Variants in SYN2 observed in about 807,000 individuals in gnomAD.
SYN2 encodes synapsin-2.
SYN2 carries 19 observed loss-of-function variants against 50.9 expected under a neutral mutation model. That is an observed-to-expected ratio of 0.37 (90% confidence interval 0.26 to 0.55). The LOEUF is 0.55. Among genes scored for constraint, SYN2 ranks in the 20% least tolerant of loss-of-function variants. The pLI is 0.81. For synonymous variants in SYN2, 255 were observed against 224.9 expected, an observed-to-expected ratio of 1.13 and a Z score of -1.20; for missense variants, 587 against 576.4, an observed-to-expected ratio of 1.02 and a Z score of -0.19.
At chr3:12,156,939 C>T (rs759971872) in intron 5 of SYN2, 1 of 1,608,468 alleles carries the variant, frequency 6.2e-7, no homozygotes, top group Non-Finnish European at 8.5e-7. Flanking sequence ...GAACATCTGA[C>T]AGGCAATTAC....
At chr3:12,018,627 A>ATC (rs1262957589) in intron 1 of SYN2, among the ~76,000 whole-genome samples, 4 of 152,248 alleles carry the variant, frequency 2.6e-5, no homozygotes, top group African/African-American at 9.6e-5. Flanking sequence ...CAGCGCCATG[A>ATC]AGAGTAGTGA....
At chr3:12,103,806 A>G (rs900536884) in intron 1 of SYN2, among the ~76,000 whole-genome samples, 3 of 152,228 alleles carry the variant, frequency 2.0e-5, no homozygotes, top group Non-Finnish European at 2.9e-5. Flanking sequence ...AAATAAAAAA[A>G]GAAGTGGCCA....
intron 1 of SYN2, among the ~76,000 whole-genome samples, chr3:12,031,910 T>A (rs1489264792): frequency 5.8e-5 from 8 of 138,222 alleles, no homozygotes; most frequent in Non-Finnish European, 1.3e-4. Context: ...TGTGTGAATT[T>A]GATCCTGTCA....
chr3:12,008,149 G>A (rs1693836804), intron 1 of SYN2, among the ~76,000 whole-genome samples: 1 of 152,120 alleles, frequency 6.6e-6, no homozygotes, highest in African/African-American at 2.4e-5. Flanking sequence ...TCTCACCAGC[G>A]AAGAGATACG....
chr3:12,158,773 GGCCGCAGCAACGCCAGCA>G (rs1559446101), intron 5 of SYN2: 2 of 1,605,608 alleles, frequency 1.2e-6, no homozygotes, highest in Non-Finnish European at 1.7e-6. Context: ...CAGCCCCGGG[GGCCGCAGCAACGCCAGCA>G]GCCGCAGCAA....
Position 12,190,665 on chromosome 3 carries a change from G to T in SYN2, c.*40G>T, listed in dbSNP as rs189014565. 4 of 1,602,296 alleles carry T rather than the reference G, an allele frequency of 2.5e-6. No homozygotes were observed. Among genetic ancestry groups the T allele is most frequent in the Non-Finnish European group, 3.4e-6 (4 of 1,174,790 alleles). On this transcript the variant is annotated 3_prime_UTR_variant, in exon 13 of 13. Transcript: ENST00000621198. ...GGGGCACCCAGCCCAACCGGGAAAG[G>T]CATCTAAGACATTCACCAACAACAG...
In SYN2 at chr3:12,029,497, TC is replaced by T. The variant is rs1410827065; in HGVS notation, c.377+24571del. Among the ~76,000 whole-genome samples, 5 of 122,284 alleles carry T rather than the reference TC, an allele frequency of 4.1e-5. 1 individual carries two copies. The highest frequency in any genetic ancestry group is 2.3e-4 in the African/African-American group (5 of 21,556). The allele number at this position is 122,284 out of a possible 152,430, so 80.2% of individuals were successfully genotyped here. A position where few individuals can be genotyped will look rare whatever the true frequency, so the allele number is the denominator to read the frequency against. ...TGGCCATTTTCACGATATTGATTCT[TC>T]CTACCCTTGAGCATGGAATGTTCTT... is the stretch of plus-strand genomic sequence containing the variant. On this transcript the variant is annotated intron_variant, in intron 1 of 12. Transcript: ENST00000621198.
chr3:12,011,101 A>T (rs1367141512), intron 1 of SYN2, among the ~76,000 whole-genome samples: 4 of 152,252 alleles, frequency 2.6e-5, no homozygotes, highest in African/African-American at 9.6e-5. Flanking sequence ...AGGCTACTGC[A>T]TTTAACCATG....
At chr3:12,064,672 A>G (rs549408302) in intron 1 of SYN2, among the ~76,000 whole-genome samples, 2 of 152,272 alleles carry the variant, frequency 1.3e-5, no homozygotes, top group South Asian at 4.1e-4. Context: ...CAAAGCCACA[A>G]TGAGATATAA....
At chr3:12,106,767 T>G (rs1002510467) in intron 1 of SYN2, among the ~76,000 whole-genome samples, 1 of 152,216 alleles carries the variant, frequency 6.6e-6, no homozygotes, top group African/African-American at 2.4e-5. Flanking sequence ...CTATGCTGAT[T>G]ATTATATAGC....
chr3:12,073,922 T>G (rs945095942), intron 1 of SYN2, among the ~76,000 whole-genome samples: 1 of 152,162 alleles, frequency 6.6e-6, no homozygotes, highest in Non-Finnish European at 1.5e-5. Context: ...AATCTATCAA[T>G]TATCTAGAGA....
At chr3:12,019,342 C>T (rs1350956887) in intron 1 of SYN2, among the ~76,000 whole-genome samples, 1 of 152,158 alleles carries the variant, frequency 6.6e-6, no homozygotes, top group Non-Finnish European at 1.5e-5. Context: ...ACCATGTTAG[C>T]TCAACTATGA....
chr3:12,019,927 T>A (rs1156326623), intron 1 of SYN2, among the ~76,000 whole-genome samples: 1 of 152,208 alleles, frequency 6.6e-6, no homozygotes, highest in African/African-American at 2.4e-5. Context: ...TCCTTTCTGA[T>A]CTCTGCATTA....
chr3:12,168,372 C>G lies in SYN2; in HGVS notation c.1056-4C>G, dbSNP rs1312953502. On this transcript the variant is annotated splice_region_variant and splice_polypyrimidine_tract_variant and intron_variant, in intron 8 of 12. Transcript: ENST00000621198. Reference sequence around the variant, plus strand: ...GCTTCAGGACACCTTCCCATCACCTCCAGGTACAAACTGTGGGTGGACACC... The same window carrying G: ...GCTTCAGGACACCTTCCCATCACCTGCAGGTACAAACTGTGGGTGGACACC... The G allele has an allele frequency of 1.2e-6, 2 of 1,612,358 alleles. No homozygotes were observed. The highest frequency in any genetic ancestry group is 1.7e-6 in the Non-Finnish European group (2 of 1,179,192).
At chr3:12,155,000 CCT>C (rs1031393598) in intron 5 of SYN2, among the ~76,000 whole-genome samples, 11 of 152,180 alleles carry the variant, frequency 7.2e-5, no homozygotes, top group African/African-American at 2.7e-4. Context: ...GAAATTTCCC[CCT>C]TTTTACCTAT....
At chr3:12,166,191 C>T (rs1231155707) in intron 7 of SYN2, among the ~76,000 whole-genome samples, 2 of 152,152 alleles carry the variant, frequency 1.3e-5, no homozygotes, top group Non-Finnish European at 2.9e-5. Context: ...AATCAGATCT[C>T]TGGGGAGGAC....
intron 12 of SYN2, among the ~76,000 whole-genome samples, 159 bp downstream of exon 12, chr3:12,187,771 TGTGTGTG>T (rs1232957373): frequency 4.7e-5 from 1 of 21,300 alleles, no homozygotes; most frequent in Non-Finnish European, 4.0e-4. Context: ...TTGGTTTTTG[TGTGTGTG>T]TGTGTGTGTG....
Position 12,161,550 on chromosome 3 carries a change from C to A in SYN2, c.779C>A (p.Thr260Lys). ...TCATTTCTCTTCTGATTTCAGCTGA[C>A]ACTGCCCACGTTCCCTGTGGTGGTG... ...TYYPNHKEML[T>K]LPTFPVVVKI... The change falls in exon 6 of 13, where the codon ACA becomes AAA. Residue 260 changes from threonine to lysine, a missense_variant. Physicochemically the swap from Thr to Lys is moderately conservative, Grantham distance 78. Coordinates refer to ENST00000621198, the MANE Select transcript of SYN2 (RefSeq NM_133625.6). 1 of 1,614,034 alleles carries A rather than the reference C, an allele frequency of 6.2e-7. No individual in the cohort carries two copies. The highest frequency in any genetic ancestry group is 8.5e-7 in the Non-Finnish European group (1 of 1,179,898).
At chr3:12,129,563 CATG>C (rs1696745856) in intron 1 of SYN2, among the ~76,000 whole-genome samples, 1 of 151,772 alleles carries the variant, frequency 6.6e-6, no homozygotes, top group African/African-American at 2.4e-5. Context: ...TTCTGTGTAA[CATG>C]GTGGGGAGGG....
Sources: allele counts gnomAD v4.1 joint callset (sites outside exome capture counted in the v4.1 genomes callset), GRCh38; gene constraint gnomAD v4.1.1; transcripts MANE v1.5; gene names NCBI Gene and HGNC (gene_info 2026-07-23, HGNC 2026-07-21).